The following PCDHGB1 variants were observed in gnomAD, a reference collection of about 807,000 sequenced individuals.
PCDHGB1 encodes the protein protocadherin gamma-B1.
In PCDHGB1, 34 loss-of-function variants were observed where a neutral mutation model predicts 56.6. That is an observed-to-expected ratio of 0.60 (90% CI 0.46 to 0.80). The LOEUF (loss-of-function observed/expected upper bound fraction) is 0.80, where lower values mean the gene tolerates loss of function less well. Among genes scored for constraint, PCDHGB1 ranks in the 30% least tolerant of loss-of-function variants. The pLI is 0.00. For missense variants in PCDHGB1, 1,278 were observed against 1,204.6 expected, an observed-to-expected ratio of 1.06 and a Z score of -0.90; for synonymous variants, 561 against 505.9, an observed-to-expected ratio of 1.11 and a Z score of -1.46.
In PCDHGB1 at chr5:141,371,907, G is replaced by T. The variant is rs776309698; in HGVS notation, c.2409+19238G>T. 9.3e-6 allele frequency: 15 copies of T among 1,613,262 alleles called. No individual in the cohort carries two copies. The highest frequency in any genetic ancestry group is 1.2e-5 in the Non-Finnish European group (14 of 1,179,916). On this transcript the variant is annotated intron_variant, in intron 1 of 3. Coordinates refer to ENST00000523390, the MANE Select transcript of PCDHGB1 (RefSeq NM_018922.3). ...GGAGCCGCGGGAGCTGTCGTCCTAC[G>T]TGTCCGTGAGCGCGCGGAGCGGGGT... is the stretch of plus-strand genomic sequence containing the variant.
chr5:141,414,647 T>C (rs1369045439), intron 1 of PCDHGB1: 3 of 1,613,926 alleles, frequency 1.9e-6, no homozygotes, highest in South Asian at 2.2e-5. Flanking sequence ...AATGCCCAGA[T>C]TATTTACTCC....
chr5:141,355,320 AG>A (rs1759800188), intron 1 of PCDHGB1: 1 of 1,613,986 alleles, frequency 6.2e-7, no homozygotes, highest in East Asian at 2.2e-5. Context: ...AGGAGCAGGA[AG>A]AAGGCTCAGT....
Position 141,393,514 on chromosome 5 carries a change from A to T in PCDHGB1, c.2409+40845A>T, listed in dbSNP as rs72492419. 17 of 1,613,912 alleles carry T rather than the reference A, an allele frequency of 1.1e-5. No individual in the cohort carries two copies. In the East Asian group the frequency reaches 3.8e-4, roughly 36 times the overall value. Reference sequence around the variant, plus strand: ...GTGCGCATCCACGTGACAGTGTTGGATACAAATGACAATGCCCCGGTTTTT... The same window carrying T: ...GTGCGCATCCACGTGACAGTGTTGGTTACAAATGACAATGCCCCGGTTTTT... On this transcript the variant is annotated intron_variant, in intron 1 of 3. Coordinates refer to ENST00000523390, the MANE Select transcript of PCDHGB1 (RefSeq NM_018922.3).
rs1561858566 is a variant in PCDHGB1 at position 141,432,177 on chromosome 5, C to G, written c.2410-62630C>G. ...AATCCCAGAGGAGTTTCCCTCGTCTCTGTGACCGCCCACGACCCCGACTGT... is the reference window on the plus strand; with the variant it reads ...AATCCCAGAGGAGTTTCCCTCGTCTGTGTGACCGCCCACGACCCCGACTGT... On this transcript the variant is annotated intron_variant, in intron 1 of 3. Transcript: ENST00000523390. This position sits in a 1 kb window ranked among gnomAD's most constrained non-coding sequence, Gnocchi z 6.0. The G allele has an allele frequency of 6.2e-7, 1 of 1,614,220 alleles. No homozygotes were observed. Among genetic ancestry groups the G allele is most frequent in the Admixed American group, 1.7e-5 (1 of 60,032 alleles).
chr5:141,371,867 C>A (rs1452583584), intron 1 of PCDHGB1: 14 of 1,613,430 alleles, frequency 8.7e-6, no homozygotes, highest in Non-Finnish European at 1.0e-5. Context: ...CCTACTACAT[C>A]GTGGCCAGTG....
Position 141,352,554 on chromosome 5 carries a change from A to C in PCDHGB1, c.2294A>C (p.Asn765Thr), listed in dbSNP as rs183312809. Reference sequence around the variant, plus strand: ...GCAAAGACAGAGTTTAATTCTCTCAACCTGACACCGGAAATGGCTCCCCCT... The same window carrying C: ...GCAAAGACAGAGTTTAATTCTCTCACCCTGACACCGGAAATGGCTCCCCCT... Reference protein sequence around the residue: ...HSAKTEFNSLNLTPEMAPPQD... With the variant: ...HSAKTEFNSLTLTPEMAPPQD... The change falls in exon 1 of 4, where the codon AAC becomes ACC. Residue 765 changes from asparagine (N) to threonine (T), a missense_variant. Coordinates refer to ENST00000523390, the MANE Select transcript of PCDHGB1 (RefSeq NM_018922.3). 4.7e-4 allele frequency: 760 copies of C among 1,613,922 alleles called. 6 individuals are homozygous for C. The African/African-American group carries it at 8.3e-3, about 18-fold the overall frequency.
At chr5:141,375,150 T>C in intron 1 of PCDHGB1, 3 of 1,613,946 alleles carry the variant, frequency 1.9e-6, no homozygotes, top group Non-Finnish European at 2.5e-6. Flanking sequence ...AGCAGAACAA[T>C]TGCTGAAAGT....
chr5:141,355,487 G>A (rs374822875), intron 1 of PCDHGB1: 2 of 1,613,940 alleles, frequency 1.2e-6, no homozygotes, highest in African/African-American at 1.3e-5. Context: ...GAGGAGCTCT[G>A]CGACAGATCT....
chr5:141,365,849 A>G (rs773114118), intron 1 of PCDHGB1: 49 of 1,613,994 alleles, frequency 3.0e-5, no homozygotes, highest in Middle Eastern at 3.3e-4. Flanking sequence ...CTATGTATCC[A>G]TTAACTCTGA....
At chr5:141,383,710 G>T in intron 1 of PCDHGB1, 1 of 1,613,992 alleles carries the variant, frequency 6.2e-7, no homozygotes, top group South Asian at 1.1e-5. Context: ...CGACCTGGAC[G>T]AGGGAGTCAA....
At chr5:141,365,353 T>A (rs565922694) in intron 1 of PCDHGB1, 17 of 1,613,862 alleles carry the variant, frequency 1.1e-5, no homozygotes, top group Non-Finnish European at 1.4e-5. Flanking sequence ...AGGACGTGAA[T>A]GACAATGCCC....
At chr5:141,470,252 C>T (rs1010559144) in intron 1 of PCDHGB1, among the ~76,000 whole-genome samples, 3 of 152,160 alleles carry the variant, frequency 2.0e-5, no homozygotes, top group Admixed American at 1.3e-4. Context: ...TCCCACCTGT[C>T]TAAATGGAGA....
In PCDHGB1 at chr5:141,366,583, G is replaced by C. The variant is rs369592022; in HGVS notation, c.2409+13914G>C. The C allele has an allele frequency of 3.1e-6, 5 of 1,614,138 alleles. No homozygotes were observed. In the African/African-American group the frequency reaches 5.3e-5, roughly 17 times the overall value. On this transcript the variant is annotated intron_variant, in intron 1 of 3. Coordinates refer to ENST00000523390, the MANE Select transcript of PCDHGB1 (RefSeq NM_018922.3). The stretch of plus-strand genomic sequence containing the variant: ...TGGATGGGGTTCGGGCTTTCCTGCA[G>C]ACCTATTCCCACGAGGTCTCCCTCA...
chr5:141,413,441 T>A, intron 1 of PCDHGB1: 1 of 1,614,056 alleles, frequency 6.2e-7, no homozygotes, highest in South Asian at 1.1e-5. Context: ...GGCAGCTTGA[T>A]CACCGCGGGC....
chr5:141,351,791 T>G lies in PCDHGB1; in HGVS notation c.1531T>G (p.Phe511Val), dbSNP rs1758824643. ...CGTGAGCCCGCAGAGCGGGGTGGTG[T>G]TCGCGCAGCGCGCCTTCGACCACGA... ...VSVSPQSGVV[F>V]AQRAFDHEQL... Residue 511 changes from phenylalanine (F) to valine (V), a missense_variant, in exon 1 of 4, where the codon TTC becomes GTC. By Grantham distance (50) the Phe-to-Val change is conservative. Transcript: ENST00000523390. 1 of 1,613,252 alleles carries G rather than the reference T, an allele frequency of 6.2e-7. No homozygotes were observed. The highest frequency in any genetic ancestry group is 1.7e-5 in the Admixed American group (1 of 60,010).
chr5:141,405,612 C>T, intron 1 of PCDHGB1: 1 of 557,514 alleles, frequency 1.8e-6, no homozygotes, highest in Non-Finnish European at 3.2e-6. Flanking sequence ...ATAACTGGGA[C>T]TACAGGCACG....
chr5:141,481,288 A>AGTC (rs2099535099), intron 1 of PCDHGB1, among the ~76,000 whole-genome samples: 1 of 152,188 alleles, frequency 6.6e-6, no homozygotes, highest in Admixed American at 6.5e-5. Flanking sequence ...ATGGTATTTC[A>AGTC]GTCATCTAAG....
intron 1 of PCDHGB1, chr5:141,376,739 T>C (rs1773315413): frequency 8.0e-6 from 4 of 502,200 alleles, no homozygotes; most frequent in Non-Finnish European, 1.4e-5. Flanking sequence ...GACTGCGGAC[T>C]GCAGTGGCGC....
chr5:141,356,098 G>A (rs762147149), intron 1 of PCDHGB1: 3 of 1,613,902 alleles, frequency 1.9e-6, no homozygotes, highest in Admixed American at 1.7e-5. Context: ...TCTGAGTGGG[G>A]ATATAACAAT....
Sources: allele counts gnomAD v4.1 joint callset (sites outside exome capture counted in the v4.1 genomes callset), GRCh38; gene constraint gnomAD v4.1.1; non-coding constraint Gnocchi (gnomAD v3.1); transcripts MANE v1.5; gene names NCBI Gene and HGNC (gene_info 2026-07-23, HGNC 2026-07-21).